RBM39: variants seen among roughly 807,000 people sequenced by gnomAD.
RBM39 encodes the protein RNA binding motif protein 39, also known as RNA-binding protein 39.
In RBM39, 12 loss-of-function variants were observed where a neutral mutation model predicts 79.6. The observed-to-expected ratio is 0.15, with a 90% CI of 0.10 to 0.24. The LOEUF (loss-of-function observed/expected upper bound fraction) is 0.24, where lower values mean the gene tolerates loss of function less well. RBM39 is among the 10% of genes least tolerant of loss of function. The pLI, the probability that RBM39 is intolerant of heterozygous loss-of-function variation, is 1.00. For missense variants in RBM39, 243 were observed against 653.4 expected (o/e 0.37, Z 6.85); for synonymous variants, 185 against 208.4 (o/e 0.89, Z 0.97).
chr20:35,713,681 A>C (rs1282663003), intron 11 of RBM39: 2 of 148,516 alleles, frequency 1.3e-5, no homozygotes, highest in Non-Finnish European at 3.0e-5. Context: ...AAAAAAAAAA[A>C]AAAAAAAAAA....
chr20:35,736,669 T>C, intron 3 of RBM39: 1 of 449,902 alleles, frequency 2.2e-6, no homozygotes, highest in Non-Finnish European at 4.6e-6. Flanking sequence ...TATGTTTGTT[T>C]GAGACGGAGT....
In RBM39 at chr20:35,704,462, T is replaced by C; in HGVS notation, c.*19A>G. 6.5e-7 allele frequency: 1 copy of C among 1,530,898 alleles called. No homozygotes were observed. Among genetic ancestry groups the C allele is most frequent in the African/African-American group, 1.4e-5 (1 of 72,650 alleles). The allele number at this position is 1,530,898 out of a possible 1,614,324, so 94.8% of individuals were successfully genotyped here. A position where few individuals can be genotyped will look rare whatever the true frequency, so the allele number is the denominator to read the frequency against. On this transcript the variant is annotated 3_prime_UTR_variant, in exon 17 of 17. Transcript: ENST00000253363. ...CAAGAAAGAAAAAAAGCTATATACATAAGGGACTATATCTTCCTTCATCGT... is the reference window on the plus strand; with the variant it reads ...CAAGAAAGAAAAAAAGCTATATACACAAGGGACTATATCTTCCTTCATCGT...
At chr20:35,739,670 A>G in intron 2 of RBM39, 1 of 359,568 alleles carries the variant, frequency 2.8e-6, no homozygotes, top group Non-Finnish European at 5.8e-6. Context: ...TTTACATGGA[A>G]TTACATCCAT....
chr20:35,725,657 CTTTTTTTT>C (rs773506913), intron 6 of RBM39, among the ~76,000 whole-genome samples: 3 of 122,216 alleles, frequency 2.5e-5, no homozygotes, highest in Non-Finnish European at 5.2e-5. Flanking sequence ...AACCCATTTT[CTTTTTTTT>C]TTTTTTTTTT....
Position 35,703,481 on chromosome 20 carries a change from G to GT in RBM39, c.*999dup, listed in dbSNP as rs2035391197. 6.6e-6 allele frequency: 1 copy of GT among 152,194 alleles called. No individual in the cohort carries two copies. The allele number at this position is 152,194 out of a possible 1,614,324, so 9.4% of individuals were successfully genotyped here. A position where few individuals can be genotyped will look rare whatever the true frequency, so the allele number is the denominator to read the frequency against. On this transcript the variant is annotated 3_prime_UTR_variant, in exon 17 of 17. Coordinates refer to ENST00000253363, the MANE Select transcript of RBM39 (RefSeq NM_184234.3). ...AATAAAGGAATTCATGGGGGACAAC[G>GT]TGAGGGCAAGTTTCCGCAGACTCGG...
At chr20:35,727,838 G>C (rs930540420) in intron 6 of RBM39, among the ~76,000 whole-genome samples, 1 of 152,114 alleles carries the variant, frequency 6.6e-6, no homozygotes. Flanking sequence ...TTTTAGTACA[G>C]ACAGGGTTTC....
At chr20:35,727,444 T>C (rs1470772795) in intron 6 of RBM39, among the ~76,000 whole-genome samples, 1 of 147,080 alleles carries the variant, frequency 6.8e-6, no homozygotes, top group African/African-American at 2.5e-5. Flanking sequence ...CCTGACAAAA[T>C]ATTCCTTGAA....
chr20:35,727,969 G>A (rs1028606876), intron 6 of RBM39, among the ~76,000 whole-genome samples: 1 of 151,976 alleles, frequency 6.6e-6, no homozygotes, highest in Non-Finnish European at 1.5e-5. Flanking sequence ...TGTAGTTTTA[G>A]TAGAGGCAGG....
chr20:35,707,051 AGAGAAAT>A, intron 14 of RBM39, 62 bp downstream of exon 14: 1 of 653,390 alleles, frequency 1.5e-6, no homozygotes, highest in Non-Finnish European at 2.3e-6. Context: ...AAAAAAAAAA[AGAGAAAT>A]ATATAAAACA....
chr20:35,720,484 T>G (rs943130553), intron 9 of RBM39, among the ~76,000 whole-genome samples: 3 of 151,602 alleles, frequency 2.0e-5, no homozygotes, highest in African/African-American at 7.3e-5. Context: ...GATAGAAAAG[T>G]CAATGGAGGC....
chr20:35,712,728 A>G (rs2036597278), intron 12 of RBM39, among the ~76,000 whole-genome samples: 1 of 152,142 alleles, frequency 6.6e-6, no homozygotes, highest in Non-Finnish European at 1.5e-5. Context: ...CGATCAAACA[A>G]TATACACCTT....
intron 13 of RBM39, 173 bp from the exon 14 acceptor site, chr20:35,707,374 G>A (rs921391538): frequency 1.5e-5 from 6 of 404,958 alleles, no homozygotes; most frequent in Non-Finnish European, 2.2e-5. Context: ...GCTTTTAGGT[G>A]CCAGAAAACT....
chr20:35,715,015 G>A (rs938218610), intron 10 of RBM39, among the ~76,000 whole-genome samples: 2 of 152,154 alleles, frequency 1.3e-5, no homozygotes, highest in Admixed American at 6.5e-5. Flanking sequence ...GTTCATTGAC[G>A]TACGTAACAG....
intron 12 of RBM39, 61 bp downstream of exon 12, chr20:35,712,958 T>C: frequency 7.0e-7 from 1 of 1,424,984 alleles, no homozygotes; most frequent in South Asian, 1.3e-5. Context: ...ATGTAAAAAT[T>C]TGGAAAATTT....
intron 13 of RBM39, chr20:35,707,799 A>G (rs2035927178): frequency 2.9e-6 from 1 of 350,628 alleles, no homozygotes; most frequent in South Asian, 2.1e-5. Context: ...AGAACACTGA[A>G]AAGAGCAGCA....
chr20:35,732,159 T>C (rs1305785404), intron 3 of RBM39, 24 bp from the exon 4 acceptor site: 2 of 1,611,052 alleles, frequency 1.2e-6, no homozygotes, highest in African/African-American at 2.7e-5. Context: ...AACTCGCCAT[T>C]ATCATGCTGG....
At chr20:35,707,351 T>TA in intron 13 of RBM39, 150 bp from the exon 14 acceptor site, 2 of 446,488 alleles carry the variant, frequency 4.5e-6, no homozygotes, top group Non-Finnish European at 4.0e-6. Context: ...GCTACTAATG[T>TA]ATGTTATCAG....
At chr20:35,709,049 G>T (rs1422177673) in intron 13 of RBM39, 175 bp downstream of exon 13, 2 of 481,484 alleles carry the variant, frequency 4.2e-6, no homozygotes, top group African/African-American at 4.0e-5. Flanking sequence ...ATTAATTTGG[G>T]TTAGGTCTTC....
At chr20:35,716,037 T>A (rs989708943) in intron 10 of RBM39, among the ~76,000 whole-genome samples, 2 of 152,160 alleles carry the variant, frequency 1.3e-5, no homozygotes, top group Non-Finnish European at 2.9e-5. Context: ...TAAACCTATT[T>A]TCTTAAATTA....
Sources: allele counts gnomAD v4.1 joint callset (sites outside exome capture counted in the v4.1 genomes callset), GRCh38; gene constraint gnomAD v4.1.1; transcripts MANE v1.5; gene names NCBI Gene and HGNC (gene_info 2026-07-23, HGNC 2026-07-21).